Variants in TNFSF4 observed in about 807,000 individuals in gnomAD.
TNFSF4 encodes the protein tumor necrosis factor ligand superfamily member 4.
TNFSF4 carries 4 observed loss-of-function variants against 7.3 expected under a neutral mutation model. The ratio of observed to expected loss-of-function variants is 0.55; its 90% CI spans 0.27 to 1.25. The LOEUF (loss-of-function observed/expected upper bound fraction) is 1.25. Among genes scored for constraint, TNFSF4 ranks in the 50% most tolerant of loss-of-function variants. The pLI is 0.12. For missense variants in TNFSF4, 181 were observed against 208.8 expected (o/e 0.87, Z 0.82); for synonymous variants, 76 against 83.7 (o/e 0.91, Z 0.50).
At chr1:173,373,839 GTAGT>G in the TNFSF4 span, among the ~76,000 whole-genome samples, 1 of 152,214 alleles carries the variant, frequency 6.6e-6, no homozygotes, top group Non-Finnish European at 1.5e-5. Context: ...GGCTCAGGAA[GTAGT>G]TAAAGACCTA....
the TNFSF4 span, among the ~76,000 whole-genome samples, chr1:173,274,655 G>A: frequency 2.6e-5 from 4 of 151,974 alleles, no homozygotes; most frequent in African/African-American, 9.7e-5. Context: ...AAAGCAGAGC[G>A]TTTTCTCCAG....
At chr1:173,297,453 A>G in the TNFSF4 span, among the ~76,000 whole-genome samples, 1 of 152,036 alleles carries the variant, frequency 6.6e-6, no homozygotes, top group Non-Finnish European at 1.5e-5. Flanking sequence ...GCCGGATTCA[A>G]TAGCCCATAA....
At chr1:173,363,406 C>G in the TNFSF4 span, 1 of 336,974 alleles carries the variant, frequency 3.0e-6, no homozygotes. Flanking sequence ...TGAATTCTCC[C>G]TTTCCCATAT....
chr1:173,377,944 C>T, the TNFSF4 span, among the ~76,000 whole-genome samples: 1 of 152,220 alleles, frequency 6.6e-6, no homozygotes, highest in African/African-American at 2.4e-5. Context: ...CTTTATAGGA[C>T]ATGGTTAAAG....
chr1:173,333,545 C>T, the TNFSF4 span, among the ~76,000 whole-genome samples: 1 of 151,816 alleles, frequency 6.6e-6, no homozygotes, highest in South Asian at 2.1e-4. Context: ...AGGATGGGGC[C>T]CCCGTGATGG....
At chr1:173,195,461 G>T (rs114236724) in intron 1 of TNFSF4, among the ~76,000 whole-genome samples, 2 of 152,312 alleles carry the variant, frequency 1.3e-5, no homozygotes, top group Non-Finnish European at 2.9e-5. Context: ...AGAAGAGTCA[G>T]AATTAGGTTC....
At chr1:173,343,300 G>A in the TNFSF4 span, among the ~76,000 whole-genome samples, 1 of 152,140 alleles carries the variant, frequency 6.6e-6, no homozygotes, top group East Asian at 1.9e-4. Flanking sequence ...ACTACAAATA[G>A]GATAGTCGGA....
At chr1:173,260,306 T>C in the TNFSF4 span, among the ~76,000 whole-genome samples, 171 of 152,240 alleles carry the variant, frequency 1.1e-3, no homozygotes, top group Non-Finnish European at 1.9e-3. Context: ...GAATTTGTCA[T>C]CACAAGGCCT....
chr1:173,310,380 C>T, the TNFSF4 span, among the ~76,000 whole-genome samples: 1 of 151,834 alleles, frequency 6.6e-6, no homozygotes, highest in Admixed American at 6.6e-5. Context: ...TTGTTAATTT[C>T]CATTGTGATT....
the TNFSF4 span, among the ~76,000 whole-genome samples, chr1:173,370,388 C>A: frequency 6.6e-6 from 1 of 152,172 alleles, no homozygotes; most frequent in African/African-American, 2.4e-5. Flanking sequence ...CAGTATGGAT[C>A]CCCACTGGGA....
At chr1:173,329,228 A>C in the TNFSF4 span, among the ~76,000 whole-genome samples, 1 of 152,190 alleles carries the variant, frequency 6.6e-6, no homozygotes, top group Non-Finnish European at 1.5e-5. Flanking sequence ...ACACATGCTC[A>C]AGTCCTTTAT....
chr1:173,446,290 A>G, the TNFSF4 span, among the ~76,000 whole-genome samples: 1 of 152,330 alleles, frequency 6.6e-6, no homozygotes, highest in East Asian at 1.9e-4. Context: ...ATCTTACAAA[A>G]TTAAGCATAT....
chr1:173,203,314 A>C (rs1650028131), intron 1 of TNFSF4, among the ~76,000 whole-genome samples: 1 of 152,160 alleles, frequency 6.6e-6, no homozygotes, highest in Non-Finnish European at 1.5e-5. Context: ...TATATGTTTA[A>C]TACCTCCTTT....
the TNFSF4 span, among the ~76,000 whole-genome samples, chr1:173,286,901 A>C: frequency 6.6e-6 from 1 of 152,202 alleles, no homozygotes; most frequent in African/African-American, 2.4e-5. Flanking sequence ...TATGGAAAAG[A>C]GAAAAAAATC....
chr1:173,257,684 G>A, the TNFSF4 span, among the ~76,000 whole-genome samples: 5 of 152,334 alleles, frequency 3.3e-5, no homozygotes, highest in South Asian at 6.2e-4. Flanking sequence ...TTCCAAACAT[G>A]AGGCTTCTAT....
At chr1:173,346,990 A>G in the TNFSF4 span, among the ~76,000 whole-genome samples, 1 of 152,256 alleles carries the variant, frequency 6.6e-6, no homozygotes, top group African/African-American at 2.4e-5. Context: ...TTTGTTATAC[A>G]TAGTTCCTCC....
chr1:173,418,497 T>C, the TNFSF4 span: 1 of 152,116 alleles, frequency 6.6e-6, no homozygotes, highest in East Asian at 1.9e-4. Context: ...ATGTGAAAGT[T>C]CCACCAGCAG....
At chr1:173,227,796 G>C in the TNFSF4 span, among the ~76,000 whole-genome samples, 2 of 152,198 alleles carry the variant, frequency 1.3e-5, no homozygotes, top group Non-Finnish European at 2.9e-5. Context: ...TATATCCCAC[G>C]CATGGCTTGG....
the TNFSF4 span, chr1:173,363,618 AG>A: frequency 2.4e-6 from 1 of 423,544 alleles, no homozygotes; most frequent in Non-Finnish European, 4.6e-6. Flanking sequence ...TCTTAAGGAA[AG>A]GCTTATCGGA....
Sources: gnomAD v4.1 joint callset for allele counts (sites outside exome capture counted in the v4.1 genomes callset) on GRCh38, gnomAD v4.1.1 for gene constraint, MANE v1.5 for transcripts, NCBI Gene and HGNC (gene_info 2026-07-23, HGNC 2026-07-21) for gene names.